CPED1: variants seen among roughly 807,000 people sequenced by gnomAD.
The protein encoded by CPED1 is cadherin like and PC-esterase domain containing 1.
Under a neutral mutation model 128.2 loss-of-function variants are expected in CPED1, and 114 were observed. The observed-to-expected ratio is 0.89, with a 90% CI of 0.76 to 1.04. The LOEUF (loss-of-function observed/expected upper bound fraction) is 1.04, where lower values mean the gene tolerates loss of function less well. Among genes scored for constraint, CPED1 ranks in the 50% least tolerant of loss-of-function variants. The probability of loss-of-function intolerance (pLI) is 0.00; values close to 1 mark genes in which losing one functional copy is unlikely to be tolerated. For synonymous variants in CPED1, 462 were observed against 426.7 expected (o/e 1.08, Z -1.02); for missense variants, 1,211 against 1,207.1 (o/e 1.00, Z -0.05).
At chr7:121,016,185 T>C (rs1183837303) in intron 3 of CPED1, among the ~76,000 whole-genome samples, 3 of 152,152 alleles carry the variant, frequency 2.0e-5, no homozygotes, top group African/African-American at 7.2e-5. Flanking sequence ...TTTAAGAAAA[T>C]TGCAGCTTCA....
At chr7:121,031,071 G>C (rs917341767) in intron 3 of CPED1, among the ~76,000 whole-genome samples, 1 of 152,196 alleles carries the variant, frequency 6.6e-6, no homozygotes, top group African/African-American at 2.4e-5. Context: ...ATATCATACA[G>C]ATTTCCTGCA....
chr7:121,276,648 A>C (rs1000509860), intron 22 of CPED1, among the ~76,000 whole-genome samples: 1 of 152,086 alleles, frequency 6.6e-6, no homozygotes, highest in Non-Finnish European at 1.5e-5. Flanking sequence ...TTCTTGAATT[A>C]CCATCCAAGT....
At chr7:121,078,498 G>GAAAAAAAAAAAAAAA (rs529856618) in intron 5 of CPED1, among the ~76,000 whole-genome samples, 1 of 101,876 alleles carries the variant, frequency 9.8e-6, no homozygotes, top group Non-Finnish European at 1.9e-5. Context: ...AAGAAAGAAA[G>GAAAAAAAAAAAAAAA]AAAAAAAAAA....
At chr7:120,991,977 AAAGT>A (rs1230069444) in intron 2 of CPED1, among the ~76,000 whole-genome samples, 4 of 152,192 alleles carry the variant, frequency 2.6e-5, no homozygotes, top group Non-Finnish European at 5.9e-5. Flanking sequence ...AGTGAGAAAG[AAAGT>A]ATCATACACA....
At chr7:121,040,271 GAAA>G (rs1206940462) in intron 3 of CPED1, among the ~76,000 whole-genome samples, 1 of 152,040 alleles carries the variant, frequency 6.6e-6, no homozygotes, top group African/African-American at 2.4e-5. Flanking sequence ...ATTTAATTCT[GAAA>G]ATTAAAATAG....
chr7:121,273,424 A>G (rs1004571114), intron 22 of CPED1, among the ~76,000 whole-genome samples: 1 of 152,058 alleles, frequency 6.6e-6, no homozygotes, highest in Non-Finnish European at 1.5e-5. Flanking sequence ...GGGGAGGTAG[A>G]GGCAGGAGAA....
At chr7:121,049,531 G>T (rs1199705178) in intron 4 of CPED1, among the ~76,000 whole-genome samples, 1 of 152,326 alleles carries the variant, frequency 6.6e-6, no homozygotes, top group Non-Finnish European at 1.5e-5. Context: ...ACCCACAAAC[G>T]TCAGCCTCCT....
chr7:121,088,763 CAAAAAAAAAA>C (rs71170226), intron 5 of CPED1, among the ~76,000 whole-genome samples: 36 of 53,810 alleles, frequency 6.7e-4, no homozygotes, highest in East Asian at 5.3e-3. Flanking sequence ...CAAAAATTGG[CAAAAAAAAAA>C]AAAAAAAAAA....
chr7:121,255,310 A>G (rs1222687609), intron 18 of CPED1, among the ~76,000 whole-genome samples: 1 of 152,140 alleles, frequency 6.6e-6, no homozygotes, highest in Non-Finnish European at 1.5e-5. Flanking sequence ...GCAAAAAGTC[A>G]CATAATCATC....
chr7:121,236,666 G>T, intron 16 of CPED1, 48 bp from the exon 17 acceptor site: 1 of 1,122,080 alleles, frequency 8.9e-7, no homozygotes, highest in Non-Finnish European at 1.3e-6. Flanking sequence ...TTATTATTAT[G>T]GGTCAAGTTA....
intron 22 of CPED1, among the ~76,000 whole-genome samples, chr7:121,292,328 C>T (rs1009136949): frequency 6.6e-6 from 1 of 151,650 alleles, no homozygotes; most frequent in Admixed American, 6.6e-5. Context: ...CCTGTGTATG[C>T]TTCATGAAGT....
chr7:121,198,737 C>T (rs1380587834), intron 16 of CPED1, among the ~76,000 whole-genome samples: 2 of 152,142 alleles, frequency 1.3e-5, no homozygotes, highest in African/African-American at 2.4e-5. Context: ...CAAGATACCA[C>T]GTGCTGGCAT....
At chr7:121,060,920 T>C (rs1050917536) in intron 4 of CPED1, among the ~76,000 whole-genome samples, 4 of 152,200 alleles carry the variant, frequency 2.6e-5, no homozygotes, top group African/African-American at 9.7e-5. Flanking sequence ...GCTTCACTCC[T>C]GAAGCCAGCG....
chr7:121,218,875 G>C (rs1189580799), intron 16 of CPED1, among the ~76,000 whole-genome samples: 3 of 151,932 alleles, frequency 2.0e-5, no homozygotes, highest in Admixed American at 2.0e-4. Context: ...GACAAAAAAA[G>C]TTGTCCTTTA....
chr7:121,155,243 C>T (rs1010668408), intron 16 of CPED1, among the ~76,000 whole-genome samples: 1 of 152,176 alleles, frequency 6.6e-6, no homozygotes, highest in African/African-American at 2.4e-5. Context: ...GTTCCATGCT[C>T]ATGGATTGGA....
intron 16 of CPED1, among the ~76,000 whole-genome samples, chr7:121,175,451 A>T (rs1049763795): frequency 5.3e-5 from 8 of 152,110 alleles, no homozygotes; most frequent in Admixed American, 4.6e-4. Context: ...TTGAAGGAAC[A>T]TACTTCAAAA....
At chr7:121,062,052 G>C (rs938200216) in intron 4 of CPED1, among the ~76,000 whole-genome samples, 2 of 152,194 alleles carry the variant, frequency 1.3e-5, no homozygotes, top group African/African-American at 4.8e-5. Flanking sequence ...ACAGGGAGAA[G>C]TCATTGTTTG....
intron 16 of CPED1, among the ~76,000 whole-genome samples, chr7:121,181,524 T>C (rs1198633705): frequency 1.3e-5 from 2 of 152,144 alleles, no homozygotes; most frequent in African/African-American, 4.8e-5. Context: ...ACGTTATTGA[T>C]TTTTAAAGAT....
intron 3 of CPED1, among the ~76,000 whole-genome samples, chr7:121,028,603 A>G (rs1792656245): frequency 6.6e-6 from 1 of 152,226 alleles, no homozygotes; most frequent in African/African-American, 2.4e-5. Context: ...GGAAGAGAGT[A>G]GGATCAAGGC....
Sources: gnomAD v4.1 joint callset for allele counts (sites outside exome capture counted in the v4.1 genomes callset) on GRCh38, gnomAD v4.1.1 for gene constraint, MANE v1.5 for transcripts, NCBI Gene and HGNC (gene_info 2026-07-23, HGNC 2026-07-21) for gene names.